Variants in TOM1 observed in about 807,000 individuals in gnomAD.
TOM1 encodes target of myb1 membrane trafficking protein.
TOM1 carries 38 observed loss-of-function variants against 61.3 expected under a neutral mutation model. The ratio of observed to expected loss-of-function variants is 0.62; its 90% CI spans 0.48 to 0.81. TOM1 has a LOEUF of 0.81. Among genes scored for constraint, TOM1 ranks in the 40% least tolerant of loss-of-function variants. TOM1 has a pLI of 0.00. For synonymous variants in TOM1, 270 were observed against 268.8 expected (o/e 1.00, Z -0.04); for missense variants, 591 against 659.6 (o/e 0.90, Z 1.14).
chr22:35,300,109 C>G, intron 1 of TOM1, 129 bp downstream of exon 1: 1 of 1,023,092 alleles, frequency 9.8e-7, no homozygotes, highest in Non-Finnish European at 1.4e-6. Context: ...GCTCTCCGAC[C>G]TGGCTCCGCC....
At position 35,307,032 on chromosome 22, in the gene TOM1, GA is replaced by G. The variant is rs541981917; in HGVS notation, c.52+7063del. Among the ~76,000 whole-genome samples, 335 of 145,946 alleles carry G rather than the reference GA, an allele frequency of 2.3e-3. 2 individuals carry two copies. Among genetic ancestry groups the G allele is most frequent in the Middle Eastern group, 7.0e-3 (2 of 286 alleles). On this transcript the variant is annotated intron_variant, in intron 1 of 14. Transcript: ENST00000449058. ...CCAGACTTCCACTCTTCTGGTTTTA[GA>G]AAAAAAAAAACCCAAACCCTCAGTG...
intron 6 of TOM1, among the ~76,000 whole-genome samples, chr22:35,326,743 G>A (rs8137566): frequency 6.6e-6 from 1 of 150,950 alleles, no homozygotes; most frequent in Admixed American, 6.6e-5. Flanking sequence ...AGTCCTCTAG[G>A]AGGAGAGAGA....
intron 1 of TOM1, among the ~76,000 whole-genome samples, chr22:35,312,708 C>T (rs185657566): frequency 4.3e-4 from 65 of 152,250 alleles, no homozygotes; most frequent in Admixed American, 2.3e-3. Flanking sequence ...AGCATGTGAA[C>T]TGGATGAGCC....
intron 2 of TOM1, among the ~76,000 whole-genome samples, chr22:35,321,227 T>G (rs1171088864): frequency 6.6e-6 from 1 of 152,020 alleles, no homozygotes; most frequent in Admixed American, 6.6e-5. Context: ...TATTTGTTCT[T>G]AAACTTGAGC....
rs1930607988 is a variant in TOM1, at chr22:35,347,422, G to T, written c.*213G>T. 1 of 466,874 alleles carries T rather than the reference G, an allele frequency of 2.1e-6. No individual in the cohort carries two copies. The highest frequency in any genetic ancestry group is 3.7e-6 in the Non-Finnish European group (1 of 268,030). The allele number at this position is 466,874 out of a possible 1,614,324, so 28.9% of individuals were successfully genotyped here. ...CAGGTCTGCGCTGCAGTGGGATCTG[G>T]CTGCTCTGCCTCCTTTCCCACCCCA... On this transcript the variant is annotated 3_prime_UTR_variant, in exon 15 of 15. Transcript: ENST00000449058.
intron 1 of TOM1, among the ~76,000 whole-genome samples, chr22:35,312,098 C>CA (rs963000379): frequency 3.6e-4 from 54 of 150,794 alleles, no homozygotes; most frequent in African/African-American, 1.2e-3. Context: ...ACTAAAAATA[C>CA]AAAAAAAAAT....
intron 1 of TOM1, among the ~76,000 whole-genome samples, chr22:35,313,638 C>T (rs539550469): frequency 6.6e-6 from 1 of 152,364 alleles, no homozygotes; most frequent in South Asian, 2.1e-4. Context: ...TCAGGCCAGA[C>T]TCGTCCCACT....
rs1448476336 is a variant in TOM1 at position 35,338,938 on chromosome 22, AGT to A, written c.1224+154_1224+155del. 4.1e-6 allele frequency: 3 copies of A among 723,688 alleles called. No individual in the cohort carries two copies. The African/African-American group carries it at 5.4e-5, about 13-fold the overall frequency. The allele number at this position is 723,688 out of a possible 1,614,324, so 44.8% of individuals were successfully genotyped here. A position where few individuals can be genotyped will look rare whatever the true frequency, so the allele number is the denominator to read the frequency against. ...GCCGTCAGGTCGGTTCTTTTTGGCT[AGT>A]GTGGTTATTCCCAGTTTATAGCTAT... On this transcript the variant is annotated intron_variant, in intron 12 of 14. Transcript: ENST00000449058.
intron 12 of TOM1, chr22:35,345,519 G>T (rs970228690): frequency 1.7e-6 from 1 of 604,272 alleles, no homozygotes; most frequent in African/African-American, 1.8e-5. Flanking sequence ...CAGCTGCTGG[G>T]AGCCTGGTCC....
At position 35,334,449 on chromosome 22, in the gene TOM1, G is replaced by A. The variant is rs898950195; in HGVS notation, c.1148+1G>A. The stretch of plus-strand genomic sequence containing the variant: ...GCTCACTGGCTGACCAACGGAAAGA[G>A]TGAGTGGCCTGGCCCTGCCCTGGTC... On this transcript the variant is annotated splice_donor_variant, in intron 11 of 14. Transcript: ENST00000449058. LOFTEE classifies it high-confidence loss of function. 1.2e-6 allele frequency: 2 copies of A among 1,614,002 alleles called. No individual in the cohort carries two copies. Among genetic ancestry groups the A allele is most frequent in the Middle Eastern group, 1.6e-4 (1 of 6,062 alleles).
Position 35,347,160 on chromosome 22 carries a change from C to T in TOM1, c.1430C>T (p.Pro477Leu), listed in dbSNP as rs774644191. 7 of 1,613,138 alleles carry T rather than the reference C, an allele frequency of 4.3e-6. No individual in the cohort carries two copies. Among genetic ancestry groups the T allele is most frequent in the Non-Finnish European group, 5.9e-6 (7 of 1,179,718 alleles). Residue 477 changes from proline to leucine, a missense_variant, in exon 15 of 15, where the codon CCC becomes CTC. By Grantham distance (98) the Pro-to-Leu change is moderately conservative. Coordinates refer to ENST00000449058, the MANE Select transcript of TOM1 (RefSeq NM_005488.3). ...CCGGGTCCCCCATCTGGCCCAGCGC[C>T]CCGGAAGAAGACCCAGGAGAAAGAT... ...GPPGPPSGPAPRKKTQEKDDD... is the reference protein window; with the variant it reads ...GPPGPPSGPALRKKTQEKDDD...
At chr22:35,321,509 C>T (rs1927779818) in intron 2 of TOM1, among the ~76,000 whole-genome samples, 1 of 152,072 alleles carries the variant, frequency 6.6e-6, no homozygotes, top group African/African-American at 2.4e-5. Flanking sequence ...AGCGATTCTC[C>T]CGCCTCAACC....
At chr22:35,319,423 C>G (rs770392419) in intron 2 of TOM1, among the ~76,000 whole-genome samples, 4 of 152,356 alleles carry the variant, frequency 2.6e-5, no homozygotes, top group Admixed American at 6.5e-5. Flanking sequence ...GCTAAAGTGT[C>G]TCCCCCACTG....
intron 8 of TOM1, among the ~76,000 whole-genome samples, chr22:35,331,122 A>T: frequency 7.3e-6 from 1 of 137,604 alleles, no homozygotes. Flanking sequence ...TTGAGGCACG[A>T]TCTTGCTCTG....
At chr22:35,345,900 G>A in intron 13 of TOM1, 116 bp downstream of exon 13, 1 of 1,126,242 alleles carries the variant, frequency 8.9e-7, no homozygotes, top group Middle Eastern at 2.0e-4. Context: ...AGAGCAGAGG[G>A]GCACACTTAA....
chr22:35,322,072 T>G (rs1460308922), intron 3 of TOM1, 35 bp downstream of exon 3: 2 of 1,594,968 alleles, frequency 1.3e-6, no homozygotes, highest in Non-Finnish European at 1.7e-6. Context: ...GTGGCAGGAC[T>G]ACGGTCCACT....
At chr22:35,333,297 C>A in intron 9 of TOM1, 107 bp from the exon 10 acceptor site, 1 of 1,045,792 alleles carries the variant, frequency 9.6e-7, no homozygotes, top group East Asian at 2.5e-5. Flanking sequence ...GCTCCTGGGG[C>A]CCTGGTGACA....
chr22:35,336,184 C>T (rs545832717), intron 11 of TOM1, among the ~76,000 whole-genome samples: 1 of 152,346 alleles, frequency 6.6e-6, no homozygotes, highest in East Asian at 1.9e-4. Flanking sequence ...CCTGCAGGCC[C>T]TCCCCAGGGC....
At chr22:35,322,105 C>G in intron 3 of TOM1, 68 bp downstream of exon 3, 1 of 1,426,840 alleles carries the variant, frequency 7.0e-7, no homozygotes, top group Non-Finnish European at 9.9e-7. Flanking sequence ...CCCTCAGACC[C>G]AGCAGGACTC....
Sources: gnomAD v4.1 joint callset for allele counts (sites outside exome capture counted in the v4.1 genomes callset) on GRCh38, gnomAD v4.1.1 for gene constraint, MANE v1.5 for transcripts, NCBI Gene and HGNC (gene_info 2026-07-23, HGNC 2026-07-21) for gene names.